Variants in MAGI2 observed in about 807,000 individuals in gnomAD.
The protein encoded by MAGI2 is membrane associated guanylate kinase, WW and PDZ domain containing 2.
MAGI2 carries 35 observed loss-of-function variants against 133.3 expected under a neutral mutation model. The observed-to-expected ratio is 0.26, with a 90% CI of 0.20 to 0.35. The LOEUF (loss-of-function observed/expected upper bound fraction) is 0.35. Ranked by LOEUF, MAGI2 falls within the 10% of genes least tolerant of loss-of-function variation. The probability of loss-of-function intolerance (pLI) is 1.00; values close to 1 mark genes in which losing one functional copy is unlikely to be tolerated. For missense variants in MAGI2, 1,636 were observed against 1,863.4 expected, an observed-to-expected ratio of 0.88 and a Z score of 2.25; for synonymous variants, 729 against 710.6, an observed-to-expected ratio of 1.03 and a Z score of -0.41.
At chr7:78,774,267 A>T (rs1825810856) in intron 2 of MAGI2, among the ~76,000 whole-genome samples, 1 of 152,216 alleles carries the variant, frequency 6.6e-6, no homozygotes, top group African/African-American at 2.4e-5. Flanking sequence ...GAGAGGCAAG[A>T]CAGAAAAAAG....
chr7:78,310,443 A>C (rs1429875447), intron 9 of MAGI2, among the ~76,000 whole-genome samples: 1 of 152,206 alleles, frequency 6.6e-6, no homozygotes, highest in African/African-American at 2.4e-5. Flanking sequence ...CAAAAAAATA[A>C]AAATAATTTT....
rs542871355 is a variant in MAGI2, at chr7:78,242,001, T to C, written c.2047+13942A>G. Reference sequence around the variant, plus strand: ...ATGATCAATAGTTATATATCCTTGATGTGCAGGTCAGGGTATAGACAGCAC... The same window carrying C: ...ATGATCAATAGTTATATATCCTTGACGTGCAGGTCAGGGTATAGACAGCAC... On this transcript the variant is annotated intron_variant, in intron 10 of 21. Transcript: ENST00000354212. 4.8e-5 allele frequency among the ~76,000 whole-genome samples: 7 copies of C among 146,310 alleles called. 1 individual carries two copies. In the South Asian group the frequency reaches 1.5e-3, roughly 32 times the overall value.
chr7:78,398,894 T>C (rs375340607), intron 6 of MAGI2, among the ~76,000 whole-genome samples: 3 of 152,188 alleles, frequency 2.0e-5, no homozygotes, highest in East Asian at 1.9e-4. Flanking sequence ...AATAAAGTCT[T>C]CCTTGCCCGT....
chr7:79,303,075 G>A (rs1445021239), intron 1 of MAGI2, among the ~76,000 whole-genome samples: 3 of 152,100 alleles, frequency 2.0e-5, no homozygotes, highest in Admixed American at 2.0e-4. Context: ...GAGTCTCACA[G>A]ATAAATAATT....
At chr7:78,223,244 T>A (rs1340466074) in intron 10 of MAGI2, among the ~76,000 whole-genome samples, 4 of 152,200 alleles carry the variant, frequency 2.6e-5, no homozygotes, top group Non-Finnish European at 5.9e-5. Flanking sequence ...AAAACATGTA[T>A]GTTTTCTCAC....
chr7:79,287,600 T>C (rs969146249), intron 1 of MAGI2, among the ~76,000 whole-genome samples: 18 of 152,146 alleles, frequency 1.2e-4, no homozygotes, highest in African/African-American at 2.4e-4. Flanking sequence ...TTGGCCATGA[T>C]ACATAACCTG....
chr7:78,881,683 A>T lies in MAGI2; in HGVS notation c.418+125407T>A, dbSNP rs147513362. 3.1e-3 allele frequency among the ~76,000 whole-genome samples: 472 copies of T among 152,244 alleles called. 4 individuals are homozygous for T. Among genetic ancestry groups the T allele is most frequent in the African/African-American group, 0.011 (448 of 41,558 alleles). On this transcript the variant is annotated intron_variant, in intron 2 of 21. Transcript: ENST00000354212. ...CACACAATTATGTGGAAATTAAACA[A>T]CTTTCTCCCAAATGACTTCTGAATA...
chr7:78,275,392 T>C (rs574239664), intron 9 of MAGI2, among the ~76,000 whole-genome samples: 103 of 152,336 alleles, frequency 6.8e-4, no homozygotes, highest in African/African-American at 2.3e-3. Context: ...TTTGGCCATC[T>C]TGCCAGCAGA....
chr7:78,625,932 A>T (rs1808295388), intron 3 of MAGI2, among the ~76,000 whole-genome samples: 1 of 152,178 alleles, frequency 6.6e-6, no homozygotes, highest in Admixed American at 6.6e-5. Flanking sequence ...GTGTAGGTAC[A>T]TTCTATGATA....
chr7:78,766,020 A>G (rs1398400462), intron 2 of MAGI2, among the ~76,000 whole-genome samples: 1 of 152,208 alleles, frequency 6.6e-6, no homozygotes, highest in Non-Finnish European at 1.5e-5. Context: ...AGCTGTACGA[A>G]TCCAAGATCA....
intron 2 of MAGI2, among the ~76,000 whole-genome samples, chr7:78,919,384 T>C (rs1435507729): frequency 6.6e-6 from 1 of 152,100 alleles, no homozygotes; most frequent in Non-Finnish European, 1.5e-5. Flanking sequence ...AGATTATATA[T>C]AATTTAATAG....
intron 1 of MAGI2, among the ~76,000 whole-genome samples, chr7:79,399,239 T>A (rs1845299904): frequency 6.6e-6 from 1 of 151,694 alleles, no homozygotes; most frequent in African/African-American, 2.4e-5. Flanking sequence ...GAATTACAGG[T>A]GCATGCTACC....
chr7:78,760,697 C>T (rs1330915654), intron 2 of MAGI2, among the ~76,000 whole-genome samples: 2 of 152,132 alleles, frequency 1.3e-5, no homozygotes, highest in Admixed American at 1.3e-4. Flanking sequence ...CAAGTTTCCT[C>T]TTTTGCTTTG....
At chr7:79,452,312 C>G (rs1343568814) in intron 1 of MAGI2, among the ~76,000 whole-genome samples, 1 of 152,232 alleles carries the variant, frequency 6.6e-6, no homozygotes, top group African/African-American at 2.4e-5. Flanking sequence ...GCCTCCTCCC[C>G]CGGGCTGGCT....
chr7:78,877,242 T>G (rs923909001), intron 2 of MAGI2, among the ~76,000 whole-genome samples: 12 of 152,212 alleles, frequency 7.9e-5, no homozygotes, highest in Non-Finnish European at 1.6e-4. Flanking sequence ...TGGTGAGAGT[T>G]TTGTTGTGTT....
intron 2 of MAGI2, among the ~76,000 whole-genome samples, chr7:78,917,962 C>T (rs933015151): frequency 6.6e-6 from 1 of 152,110 alleles, no homozygotes; most frequent in African/African-American, 2.4e-5. Flanking sequence ...AGTACCTCTA[C>T]GTGTTCACCA....
At chr7:79,071,859 C>G (rs758489909) in intron 1 of MAGI2, among the ~76,000 whole-genome samples, 1 of 152,072 alleles carries the variant, frequency 6.6e-6, no homozygotes, top group Non-Finnish European at 1.5e-5. Flanking sequence ...GTGCTAGTAG[C>G]GAAAATTTCA....
chr7:78,042,530 C>T (rs898988128), intron 21 of MAGI2, among the ~76,000 whole-genome samples: 1 of 152,158 alleles, frequency 6.6e-6, no homozygotes, highest in Non-Finnish European at 1.5e-5. Flanking sequence ...TCAAACTGCC[C>T]AGCTTCTAGT....
chr7:78,756,260 T>A (rs904108753), intron 2 of MAGI2, among the ~76,000 whole-genome samples: 1 of 152,210 alleles, frequency 6.6e-6, no homozygotes, highest in Non-Finnish European at 1.5e-5. Flanking sequence ...GATCCATTCA[T>A]GTAAGCATAA....
Sources: gnomAD v4.1 joint callset for allele counts (sites outside exome capture counted in the v4.1 genomes callset) on GRCh38, gnomAD v4.1.1 for gene constraint, MANE v1.5 for transcripts, NCBI Gene and HGNC (gene_info 2026-07-23, HGNC 2026-07-21) for gene names.